The following IGF1 variants were observed in gnomAD, a reference collection of about 807,000 sequenced individuals.
IGF1 encodes the protein insulin-like growth factor 1.
Under a neutral mutation model 13.8 loss-of-function variants are expected in IGF1, and 4 were observed. That is an observed-to-expected ratio of 0.29 (90% CI 0.14 to 0.66). The LOEUF (loss-of-function observed/expected upper bound fraction) is 0.66. IGF1 is among the 30% of genes least tolerant of loss of function. The probability of loss-of-function intolerance (pLI) is 0.78; values close to 1 mark genes in which losing one functional copy is unlikely to be tolerated. For synonymous variants in IGF1, 76 were observed against 72.6 expected (o/e 1.05, Z -0.23); for missense variants, 124 against 188.5 (o/e 0.66, Z 2.00).
At chr12:102,466,588 G>C (rs1401333902) in intron 2 of IGF1, among the ~76,000 whole-genome samples, 1 of 152,152 alleles carries the variant, frequency 6.6e-6, no homozygotes, top group East Asian at 1.9e-4. Flanking sequence ...AGTTGACTGA[G>C]GAGTATGAGA....
Position 102,430,321 on chromosome 12 carries a change from A to T in IGF1, c.221-10631T>A, listed in dbSNP as rs182647103. ...AATGGGAAGCCTCTTCCCTTTGGGAAAAAGGAGAATATCAAAATCCACTGA... is the reference window on the plus strand; with the variant it reads ...AATGGGAAGCCTCTTCCCTTTGGGATAAAGGAGAATATCAAAATCCACTGA... On this transcript the variant is annotated intron_variant, in intron 2 of 3. Coordinates refer to ENST00000337514, the MANE Select transcript of IGF1 (RefSeq NM_000618.5). 1.2e-4 allele frequency among the ~76,000 whole-genome samples: 19 copies of T among 152,292 alleles called. No homozygotes were observed. The East Asian group carries it at 2.5e-3, about 20-fold the overall frequency.
intron 3 of IGF1, among the ~76,000 whole-genome samples, chr12:102,416,122 C>A (rs985964387): frequency 6.6e-6 from 1 of 152,118 alleles, no homozygotes; most frequent in African/African-American, 2.4e-5. Flanking sequence ...GCATGGAGGA[C>A]CAGGCAGAAA....
chr12:102,459,777 C>T (rs1323396473), intron 2 of IGF1, among the ~76,000 whole-genome samples: 3 of 152,268 alleles, frequency 2.0e-5, no homozygotes, highest in African/African-American at 7.2e-5. Context: ...CTTTTAAATT[C>T]TAGCTCAGCT....
chr12:102,438,416 A>G (rs909018938), intron 2 of IGF1, among the ~76,000 whole-genome samples: 2 of 152,234 alleles, frequency 1.3e-5, no homozygotes, highest in African/African-American at 4.8e-5. Context: ...AAAGCTTAGG[A>G]AACGGCTGTA....
At chr12:102,406,363 G>GA (rs756323275) in intron 3 of IGF1, among the ~76,000 whole-genome samples, 2 of 152,210 alleles carry the variant, frequency 1.3e-5, no homozygotes, top group African/African-American at 2.4e-5. Context: ...TGCACTTCTT[G>GA]AAGAGTTATG....
intron 2 of IGF1, among the ~76,000 whole-genome samples, chr12:102,454,117 A>G (rs1879185876): frequency 6.6e-6 from 1 of 151,900 alleles, no homozygotes; most frequent in Non-Finnish European, 1.5e-5. Context: ...CTGCAAACAT[A>G]CTCCTTACTT....
chr12:102,477,947 T>C (rs1881163999), intron 1 of IGF1, among the ~76,000 whole-genome samples: 1 of 152,028 alleles, frequency 6.6e-6, no homozygotes, highest in South Asian at 2.1e-4. Flanking sequence ...TACATATAAG[T>C]CTCTGGAACT....
At chr12:102,435,205 T>C (rs186192659) in intron 2 of IGF1, among the ~76,000 whole-genome samples, 3 of 152,330 alleles carry the variant, frequency 2.0e-5, no homozygotes, top group Admixed American at 1.3e-4. Context: ...CATTTCTAAC[T>C]ATGTGATGTG....
chr12:102,446,098 T>G (rs1322537589), intron 2 of IGF1, among the ~76,000 whole-genome samples: 16 of 152,194 alleles, frequency 1.1e-4, no homozygotes, highest in Non-Finnish European at 2.2e-4. Context: ...GATAAGCTTT[T>G]TGATGTGCTG....
At chr12:102,428,601 G>A (rs1332922455) in intron 2 of IGF1, among the ~76,000 whole-genome samples, 4 of 152,120 alleles carry the variant, frequency 2.6e-5, no homozygotes, top group Admixed American at 6.5e-5. Context: ...ACTTCTGTGG[G>A]CACTCAGAAA....
chr12:102,413,061 C>T (rs939482396), intron 3 of IGF1, among the ~76,000 whole-genome samples: 1 of 152,148 alleles, frequency 6.6e-6, no homozygotes, highest in Admixed American at 6.6e-5. Context: ...TCAGCTACTC[C>T]CTCTTTAAAA....
intron 2 of IGF1, among the ~76,000 whole-genome samples, chr12:102,437,921 G>A (rs1592779066): frequency 6.6e-6 from 1 of 152,152 alleles, no homozygotes; most frequent in East Asian, 1.9e-4. Context: ...TTAAAAGCAA[G>A]CATACAAACC....
At chr12:102,427,878 T>C (rs1366822902) in intron 2 of IGF1, among the ~76,000 whole-genome samples, 2 of 152,030 alleles carry the variant, frequency 1.3e-5, no homozygotes, top group Non-Finnish European at 2.9e-5. Context: ...TTACATGATA[T>C]AAATAACTGC....
intron 2 of IGF1, among the ~76,000 whole-genome samples, chr12:102,452,777 T>G (rs561087157): frequency 6.6e-6 from 1 of 152,316 alleles, no homozygotes; most frequent in African/African-American, 2.4e-5. Context: ...CAGAAAGAGC[T>G]GGGTCAAAGA....
Position 102,444,027 on chromosome 12 carries a change from A to T in IGF1, c.221-24337T>A, listed in dbSNP as rs5742644. On this transcript the variant is annotated intron_variant, in intron 2 of 3. Coordinates refer to ENST00000337514, the MANE Select transcript of IGF1 (RefSeq NM_000618.5). ...ATTTTAGTAAAGATGGGGTTTCACC[A>T]TGTTGGCCAGGCTGGTCTCGAACTC... is the stretch of plus-strand genomic sequence containing the variant. 5.5e-4 allele frequency among the ~76,000 whole-genome samples: 84 copies of T among 151,942 alleles called. No homozygotes were observed. In the East Asian group the frequency reaches 0.016, roughly 28 times the overall value.
intron 2 of IGF1, among the ~76,000 whole-genome samples, chr12:102,460,848 G>C (rs1270615348): frequency 2.6e-5 from 4 of 152,132 alleles, no homozygotes; most frequent in Non-Finnish European, 5.9e-5. Context: ...TCTTATCCTT[G>C]TCAAGAATAT....
At chr12:102,452,217 G>C (rs1009689918) in intron 2 of IGF1, among the ~76,000 whole-genome samples, 4 of 121,022 alleles carry the variant, frequency 3.3e-5, no homozygotes, top group South Asian at 2.8e-4. Context: ...AGCCGAGATC[G>C]CGCCACTGCA....
At chr12:102,464,894 T>G (rs545379321) in intron 2 of IGF1, among the ~76,000 whole-genome samples, 15 of 152,330 alleles carry the variant, frequency 9.8e-5, no homozygotes, top group Non-Finnish European at 2.2e-4. Context: ...AATAGCTGAC[T>G]TGAGAGAATA....
chr12:102,478,672 T>C, intron 1 of IGF1: 2 of 1,368,596 alleles, frequency 1.5e-6, no homozygotes, highest in African/African-American at 1.5e-5. Flanking sequence ...CTGGGTAAAC[T>C]GCCTTTTGTC....
Sources: gnomAD v4.1 joint callset for allele counts (sites outside exome capture counted in the v4.1 genomes callset) on GRCh38, gnomAD v4.1.1 for gene constraint, MANE v1.5 for transcripts, NCBI Gene and HGNC (gene_info 2026-07-23, HGNC 2026-07-21) for gene names.